Variants in VPS13B observed in about 807,000 individuals in gnomAD.
VPS13B encodes intermembrane lipid transfer protein VPS13B.
Under a neutral mutation model 426.4 loss-of-function variants are expected in VPS13B, and 285 were observed. The observed-to-expected ratio is 0.67, with a 90% confidence interval of 0.61 to 0.74. The LOEUF (loss-of-function observed/expected upper bound fraction) is 0.74. Ranked by LOEUF, VPS13B falls within the 30% of genes least tolerant of loss-of-function variation. The pLI, the probability that VPS13B is intolerant of heterozygous loss-of-function variation, is 0.00. For missense variants in VPS13B, 4,537 were observed against 4,782.6 expected (o/e 0.95, Z 1.51); for synonymous variants, 1,676 against 1,676.4 (o/e 1.00, Z 0.01).
intron 11 of VPS13B, 91 bp from the exon 12 acceptor site, chr8:99,136,574 T>C: frequency 8.2e-7 from 1 of 1,217,952 alleles, no homozygotes; most frequent in African/African-American, 1.5e-5. Flanking sequence ...TTATACATTC[T>C]ATATAAAGAT....
At chr8:99,273,420 C>G (rs1563640344) in intron 17 of VPS13B, among the ~76,000 whole-genome samples, 2 of 151,928 alleles carry the variant, frequency 1.3e-5, no homozygotes, top group African/African-American at 4.8e-5. Flanking sequence ...CTTGCCTAGG[C>G]CTGCCAAAGT....
chr8:99,233,006 G>A (rs1171659964), intron 17 of VPS13B: 1 of 813,738 alleles, frequency 1.2e-6, no homozygotes, highest in Non-Finnish European at 2.1e-6. Flanking sequence ...GGTGTTGGAA[G>A]GGCTCCATTC....
At chr8:99,324,509 T>G (rs1375344491) in intron 19 of VPS13B, among the ~76,000 whole-genome samples, 1 of 152,210 alleles carries the variant, frequency 6.6e-6, no homozygotes, top group Non-Finnish European at 1.5e-5. Flanking sequence ...TTCATGGGGC[T>G]GGGGTTCTGG....
At chr8:99,144,829 A>G (rs1294889801) in intron 13 of VPS13B, among the ~76,000 whole-genome samples, 1 of 152,204 alleles carries the variant, frequency 6.6e-6, no homozygotes, top group African/African-American at 2.4e-5. Flanking sequence ...AAGTTAAAAT[A>G]TTTCAGTCAT....
intron 33 of VPS13B, among the ~76,000 whole-genome samples, chr8:99,616,554 G>A (rs1373802681): frequency 6.6e-6 from 1 of 152,332 alleles, no homozygotes; most frequent in South Asian, 2.1e-4. Context: ...ATGGCCGGGC[G>A]CAGTGGCTCA....
intron 39 of VPS13B, among the ~76,000 whole-genome samples, chr8:99,736,840 C>T (rs537944079): frequency 2.4e-4 from 36 of 152,148 alleles, no homozygotes; most frequent in South Asian, 8.3e-4. Flanking sequence ...CTCGTTCAGT[C>T]CTCATGCTAC....
intron 33 of VPS13B, among the ~76,000 whole-genome samples, chr8:99,624,007 A>ATTTTTTTTTT (rs1165382455): frequency 9.9e-6 from 1 of 101,122 alleles, no homozygotes; most frequent in Non-Finnish European, 1.9e-5. Flanking sequence ...ATATATATAT[A>ATTTTTTTTTT]TTTTTTTTTT....
intron 21 of VPS13B, among the ~76,000 whole-genome samples, chr8:99,428,800 A>C (rs989173402): frequency 1.1e-4 from 17 of 152,210 alleles, no homozygotes; most frequent in African/African-American, 4.1e-4. Flanking sequence ...AAAGTATTAT[A>C]AATCATGCTG....
chr8:99,152,223 A>T (rs948880587), intron 14 of VPS13B, among the ~76,000 whole-genome samples: 8 of 152,176 alleles, frequency 5.3e-5, no homozygotes, highest in Admixed American at 2.6e-4. Flanking sequence ...TTTTCATTTA[A>T]TTCAAAGTAT....
At chr8:99,511,633 T>C (rs761796659) in intron 29 of VPS13B, 121 bp downstream of exon 29, 61 of 992,468 alleles carry the variant, frequency 6.1e-5, no homozygotes, top group Non-Finnish European at 7.7e-5. Flanking sequence ...TGTGGTTTGG[T>C]ATATTTTATA....
intron 19 of VPS13B, among the ~76,000 whole-genome samples, chr8:99,302,879 A>G (rs1375310785): frequency 6.6e-6 from 1 of 152,174 alleles, no homozygotes; most frequent in African/African-American, 2.4e-5. Context: ...TATTGAACGC[A>G]TATTGCTTTA....
At chr8:99,785,664 G>C (rs1484889126) in intron 43 of VPS13B, among the ~76,000 whole-genome samples, 3 of 151,964 alleles carry the variant, frequency 2.0e-5, no homozygotes, top group Non-Finnish European at 4.4e-5. Flanking sequence ...TAACATAAAG[G>C]ATGTTTTATT....
chr8:99,275,001 G>GT, intron 18 of VPS13B, 80 bp from the exon 19 acceptor site: 1 of 1,195,718 alleles, frequency 8.4e-7, no homozygotes, highest in Non-Finnish European at 1.2e-6. Context: ...ATATTATGGT[G>GT]TTAGTATATT....
At chr8:99,784,093 G>A (rs1812144094) in intron 42 of VPS13B, among the ~76,000 whole-genome samples, 1 of 152,066 alleles carries the variant, frequency 6.6e-6, no homozygotes, top group Non-Finnish European at 1.5e-5. Flanking sequence ...TTATTTTGAG[G>A]GAGTATAAAT....
At position 99,136,720 on chromosome 8, in the gene VPS13B, A is replaced by G. The variant is rs746434006; in HGVS notation, c.1619A>G (p.Tyr540Cys). The change falls in exon 12 of 62, where the codon TAC becomes TGC. Residue 540 changes from tyrosine to cysteine, a missense_variant. Transcript: ENST00000357162. Reference sequence around the variant, plus strand: ...CGGTTTGGGGCTTTTTATATGGATTACCTGTATACAATGGAGAACACTAGT... The same window carrying G: ...CGGTTTGGGGCTTTTTATATGGATTGCCTGTATACAATGGAGAACACTAGT... ...MQRFGAFYMD[Y>C]LYTMENTSGK... 2 of 1,613,628 alleles carry G rather than the reference A, an allele frequency of 1.2e-6. No individual in the cohort carries two copies. Among genetic ancestry groups the G allele is most frequent in the South Asian group, 1.1e-5 (1 of 91,074 alleles).
rs141485812 is a variant in VPS13B at position 99,504,547 on chromosome 8, A to G, written c.4157+1597A>G. On this transcript the variant is annotated intron_variant, in intron 27 of 61. Coordinates refer to ENST00000357162, the MANE Select transcript of VPS13B (RefSeq NM_152564.5). ...TTGGAACTCTTCAGTGACCAGGTGC[A>G]TTGTCAATGAGCTACTGCTCATTTA... Among the ~76,000 whole-genome samples the G allele has an allele frequency of 4.5e-3, 687 of 152,096 alleles. 3 individuals are homozygous for G. The highest frequency in any genetic ancestry group is 7.3e-3 in the Non-Finnish European group (495 of 67,984).
At position 99,274,559 on chromosome 8, in the gene VPS13B, GA is replaced by G. The variant is rs5893486; in HGVS notation, c.2650+232del. ...TAGTTTTATGAATGGTTATGAGGGA[GA>G]AAAATTAAAGGAATGTTTATTATAC... On this transcript the variant is annotated intron_variant, in intron 18 of 61. Coordinates refer to ENST00000357162, the MANE Select transcript of VPS13B (RefSeq NM_152564.5). Among the ~76,000 whole-genome samples, 107,273 of 151,812 alleles carry G rather than the reference GA, an allele frequency of 0.71. 38,834 individuals are homozygous for G. The highest frequency in any genetic ancestry group is 0.8 in the Middle Eastern group (236 of 294).
intron 3 of VPS13B, among the ~76,000 whole-genome samples, chr8:99,082,293 A>G (rs1412784598): frequency 6.6e-6 from 1 of 152,104 alleles, no homozygotes; most frequent in African/African-American, 2.4e-5. Flanking sequence ...TCCTTTGCCC[A>G]CTTTTTGATG....
chr8:99,134,940 A>C, intron 9 of VPS13B, 75 bp from the exon 10 acceptor site: 1 of 1,558,368 alleles, frequency 6.4e-7, no homozygotes. Context: ...ACTAATTTAG[A>C]GATTCTACAA....
Sources: allele counts gnomAD v4.1 joint callset (sites outside exome capture counted in the v4.1 genomes callset), GRCh38; gene constraint gnomAD v4.1.1; transcripts MANE v1.5; gene names NCBI Gene and HGNC (gene_info 2026-07-23, HGNC 2026-07-21).